Variants in PAM observed in about 807,000 individuals in gnomAD.
PAM encodes peptidyl-glycine alpha-amidating monooxygenase.
Under a neutral mutation model 122.1 loss-of-function variants are expected in PAM, and 72 were observed. That is an observed-to-expected ratio of 0.59 (90% CI 0.49 to 0.72). PAM has a LOEUF of 0.72. Among genes scored for constraint, PAM ranks in the 30% least tolerant of loss-of-function variants. PAM has a pLI of 0.00. For missense variants in PAM, 1,106 were observed against 1,183.7 expected, an observed-to-expected ratio of 0.93 and a Z score of 0.96; for synonymous variants, 389 against 404.4, an observed-to-expected ratio of 0.96 and a Z score of 0.46.
At chr5:102,930,618 T>A (rs1479693435) in intron 7 of PAM, among the ~76,000 whole-genome samples, 2 of 152,162 alleles carry the variant, frequency 1.3e-5, no homozygotes, top group Non-Finnish European at 2.9e-5. Flanking sequence ...GCCATAAAGA[T>A]CCTTGCTAGG....
At chr5:103,026,710 A>C (rs1441198041) in intron 24 of PAM, among the ~76,000 whole-genome samples, 1 of 152,236 alleles carries the variant, frequency 6.6e-6, no homozygotes. Flanking sequence ...TTGTTGAAAG[A>C]ATGAATGAAT....
intron 1 of PAM, among the ~76,000 whole-genome samples, chr5:102,837,082 G>A (rs1338938622): frequency 6.6e-6 from 1 of 152,168 alleles, no homozygotes; most frequent in African/African-American, 2.4e-5. Context: ...GAAGCCAATG[G>A]CATGCTTTTA....
chr5:102,783,243 A>G (rs898820803), intron 1 of PAM, among the ~76,000 whole-genome samples: 3 of 152,138 alleles, frequency 2.0e-5, no homozygotes, highest in Admixed American at 1.3e-4. Context: ...AAAAAAAAAA[A>G]AAATAGAGAT....
chr5:102,990,994 C>G (rs559170774), intron 16 of PAM, among the ~76,000 whole-genome samples: 2 of 152,314 alleles, frequency 1.3e-5, no homozygotes, highest in South Asian at 4.1e-4. Context: ...CTAGGACTAT[C>G]TATTACTCCT....
At chr5:102,992,541 C>T (rs75185445) in intron 16 of PAM, among the ~76,000 whole-genome samples, 1,674 of 152,172 alleles carry the variant, frequency 0.011, 16 homozygotes, top group Middle Eastern at 0.024. Flanking sequence ...GATTCAGGCT[C>T]CATTCTTTGA....
In PAM at chr5:102,780,843, TTCTC is replaced by T. The variant is rs200642878; in HGVS notation, c.-374+25509_-374+25512del. Among the ~76,000 whole-genome samples the T allele has an allele frequency of 2.6e-4, 36 of 137,674 alleles. No individual in the cohort carries two copies. In the East Asian group the frequency reaches 3.3e-3, roughly 13 times the overall value. The allele number at this position is 137,674 out of a possible 152,430, so 90.3% of individuals were successfully genotyped here. A position where few individuals can be genotyped will look rare whatever the true frequency, so the allele number is the denominator to read the frequency against. On this transcript the variant is annotated intron_variant, in intron 1 of 25. Coordinates refer to ENST00000438793, the MANE Select transcript of PAM (RefSeq NM_001177306.2). The stretch of plus-strand genomic sequence containing the variant: ...TCTTTCTTTCTTTCTTTCTCTGTCT[TTCTC>T]TCTCTCTCTCTCTTTCTTTCTTTCT...
intron 21 of PAM, among the ~76,000 whole-genome samples, chr5:103,012,163 A>T (rs987628161): frequency 1.3e-5 from 2 of 152,074 alleles, no homozygotes; most frequent in Non-Finnish European, 2.9e-5. Context: ...GTGGTTGTTA[A>T]TCCCTTGTTA....
At chr5:102,861,115 T>C (rs1186404777) in intron 1 of PAM, among the ~76,000 whole-genome samples, 5 of 152,182 alleles carry the variant, frequency 3.3e-5, no homozygotes, top group Non-Finnish European at 7.4e-5. Flanking sequence ...CAACCAGCAC[T>C]AACTTCCCAG....
chr5:102,939,803 T>A (rs900863658), intron 7 of PAM, among the ~76,000 whole-genome samples: 1 of 152,070 alleles, frequency 6.6e-6, no homozygotes, highest in Admixed American at 6.6e-5. Context: ...GGATTTATTT[T>A]TTCACCAAGG....
At chr5:102,820,665 A>G (rs1342245949) in intron 1 of PAM, among the ~76,000 whole-genome samples, 1 of 152,234 alleles carries the variant, frequency 6.6e-6, no homozygotes, top group Non-Finnish European at 1.5e-5. Context: ...TGTATTATGC[A>G]TAACAACATA....
intron 3 of PAM, among the ~76,000 whole-genome samples, chr5:102,882,043 C>A: frequency 9.6e-6 from 1 of 104,256 alleles, no homozygotes; most frequent in Non-Finnish European, 1.9e-5. Context: ...GAGTAGTATT[C>A]CATCGTGGAA....
Position 102,957,780 on chromosome 5 carries a change from A to G in PAM, c.906-2095A>G, listed in dbSNP as rs148624961. 1.6e-3 allele frequency among the ~76,000 whole-genome samples: 238 copies of G among 152,198 alleles called. 2 individuals carry two copies. The East Asian group carries it at 0.04, about 26-fold the overall frequency. On this transcript the variant is annotated intron_variant, in intron 12 of 25. Transcript: ENST00000438793. ...CCTGACCTCATGATCCACCCACCTC[A>G]GCCTCCCAAAGTGCTGGGATTACAG...
At chr5:102,990,184 T>C (rs1025571008) in intron 15 of PAM, 88 bp from the exon 16 acceptor site, 1 of 947,420 alleles carries the variant, frequency 1.1e-6, no homozygotes, top group Non-Finnish European at 1.5e-6. Context: ...AGTGATGTTA[T>C]TGCATGAGCT....
At chr5:102,833,688 T>C (rs1776101247) in intron 1 of PAM, among the ~76,000 whole-genome samples, 1 of 152,172 alleles carries the variant, frequency 6.6e-6, no homozygotes, top group African/African-American at 2.4e-5. Flanking sequence ...AAATCAGCAT[T>C]TTTTAAAAGT....
At chr5:103,021,471 G>C (rs1783526296) in intron 23 of PAM, among the ~76,000 whole-genome samples, 1 of 152,246 alleles carries the variant, frequency 6.6e-6, no homozygotes, top group Middle Eastern at 3.4e-3. Flanking sequence ...ATCTTAGCCG[G>C]TCAATGATGG....
intron 3 of PAM, among the ~76,000 whole-genome samples, chr5:102,882,397 AT>A (rs528551485): frequency 6.6e-6 from 1 of 151,008 alleles, no homozygotes; most frequent in Non-Finnish European, 1.5e-5. Flanking sequence ...TATTTTATAG[AT>A]TTTTTTTATT....
chr5:102,787,377 T>C (rs1448683930), intron 1 of PAM, among the ~76,000 whole-genome samples: 2 of 152,060 alleles, frequency 1.3e-5, no homozygotes, highest in African/African-American at 4.8e-5. Context: ...TGAGACATAT[T>C]TTCTGTACCT....
chr5:102,805,448 T>C (rs1765969351), intron 1 of PAM, among the ~76,000 whole-genome samples: 1 of 152,168 alleles, frequency 6.6e-6, no homozygotes, highest in African/African-American at 2.4e-5. Context: ...AGTCTTAGGA[T>C]CCTCTTGGGA....
chr5:102,788,429 ACT>A (rs902658136), intron 1 of PAM, among the ~76,000 whole-genome samples: 4 of 143,686 alleles, frequency 2.8e-5, no homozygotes, highest in African/African-American at 7.4e-5. Context: ...AGACATAATA[ACT>A]CTATTTATTT....
Sources: gnomAD v4.1 joint callset for allele counts (sites outside exome capture counted in the v4.1 genomes callset) on GRCh38, gnomAD v4.1.1 for gene constraint, MANE v1.5 for transcripts, NCBI Gene and HGNC (gene_info 2026-07-23, HGNC 2026-07-21) for gene names.